Variants in PCDHGB1 observed in about 807,000 individuals in gnomAD.
The protein encoded by PCDHGB1 is protocadherin gamma subfamily B, 1, also known as protocadherin gamma-B1.
PCDHGB1 carries 34 observed loss-of-function variants against 56.6 expected under a neutral mutation model. That is an observed-to-expected ratio of 0.60 (90% CI 0.46 to 0.80). The LOEUF (loss-of-function observed/expected upper bound fraction) is 0.80. PCDHGB1 is among the 30% of genes least tolerant of loss of function. PCDHGB1 has a pLI of 0.00. For synonymous variants in PCDHGB1, 561 were observed against 505.9 expected (o/e 1.11, Z -1.46); for missense variants, 1,278 against 1,204.6 (o/e 1.06, Z -0.90).
intron 1 of PCDHGB1, chr5:141,433,149 C>A (rs758972664): frequency 1.2e-6 from 2 of 1,613,856 alleles, no homozygotes; most frequent in Non-Finnish European, 1.7e-6. Context: ...TCAGGTGATT[C>A]GGTATTTTCT....
At chr5:141,370,645 T>TA in intron 1 of PCDHGB1, 1 of 1,613,922 alleles carries the variant, frequency 6.2e-7, no homozygotes, top group Non-Finnish European at 8.5e-7. Flanking sequence ...AATGGGAACT[T>TA]ACTTGTGAGC....
chr5:141,404,745 C>T, intron 1 of PCDHGB1: 1 of 1,613,966 alleles, frequency 6.2e-7, no homozygotes, highest in Non-Finnish European at 8.5e-7. Flanking sequence ...GACAGAGACT[C>T]AGGCCAGAAT....
chr5:141,426,094 G>C (rs2096914562), intron 1 of PCDHGB1, among the ~76,000 whole-genome samples: 1 of 152,350 alleles, frequency 6.6e-6, no homozygotes, highest in African/African-American at 2.4e-5. Flanking sequence ...ACGATATTCT[G>C]TTCAGTCACA....
intron 1 of PCDHGB1, chr5:141,399,841 G>C: frequency 6.2e-7 from 1 of 1,613,086 alleles, no homozygotes; most frequent in Non-Finnish European, 8.5e-7. Context: ...TGCGCTCTTC[G>C]ATATGGTGCC....
intron 1 of PCDHGB1, chr5:141,404,343 A>G (rs2094516679): frequency 3.1e-6 from 5 of 1,613,902 alleles, no homozygotes; most frequent in Non-Finnish European, 4.2e-6. Flanking sequence ...CTCCCGGAAA[A>G]CAACGCCAGA....
chr5:141,423,489 T>C (rs764165685), intron 1 of PCDHGB1: 1 of 1,614,016 alleles, frequency 6.2e-7, no homozygotes, highest in South Asian at 1.1e-5. Context: ...TGCAAACCTA[T>C]TCCCACGAGG....
At chr5:141,473,809 A>C (rs1230574978) in intron 1 of PCDHGB1, among the ~76,000 whole-genome samples, 2 of 152,242 alleles carry the variant, frequency 1.3e-5, no homozygotes, top group East Asian at 3.8e-4. Flanking sequence ...ACTGAGGAGC[A>C]GCTGGACAAT....
At chr5:141,407,738 A>G (rs928743977) in intron 1 of PCDHGB1, among the ~76,000 whole-genome samples, 3 of 152,046 alleles carry the variant, frequency 2.0e-5, no homozygotes, top group Admixed American at 2.0e-4. Context: ...CACTATATAT[A>G]CTCCCTACTG....
chr5:141,383,610 C>T, intron 1 of PCDHGB1: 1 of 1,613,818 alleles, frequency 6.2e-7, no homozygotes, highest in South Asian at 1.1e-5. Flanking sequence ...ATGTGAATGA[C>T]CACACGCCTG....
chr5:141,400,776 G>T (rs1461818790), intron 1 of PCDHGB1: 3 of 557,594 alleles, frequency 5.4e-6, no homozygotes, highest in Non-Finnish European at 9.4e-6. Context: ...CATTTGGTGC[G>T]TTTTTTTGTC....
intron 1 of PCDHGB1, chr5:141,373,950 A>G (rs2150030574): frequency 1.2e-6 from 1 of 822,986 alleles, no homozygotes; most frequent in Non-Finnish European, 1.8e-6. Context: ...CTGTGCAGAA[A>G]TTCTGACCTG....
At chr5:141,415,508 A>G in intron 1 of PCDHGB1, 2 of 1,614,168 alleles carry the variant, frequency 1.2e-6, no homozygotes, top group Non-Finnish European at 1.7e-6. Flanking sequence ...CCCCAGCCCA[A>G]TTATGCGGAC....
chr5:141,502,179 A>G (rs1403845758), intron 2 of PCDHGB1, among the ~76,000 whole-genome samples: 2 of 152,218 alleles, frequency 1.3e-5, no homozygotes, highest in Non-Finnish European at 2.9e-5. Context: ...GGAATTTAAC[A>G]TTAATACAAT....
In PCDHGB1 at chr5:141,491,491, G is replaced by C. The variant is rs2099717103; in HGVS notation, c.2410-3316G>C. The C allele has an allele frequency of 1.2e-6, 2 of 1,614,042 alleles. No homozygotes were observed. The highest frequency in any genetic ancestry group is 1.7e-5 in the Admixed American group (1 of 60,016). The stretch of plus-strand genomic sequence containing the variant: ...TAAGCAGTCCAGCCCCAACCTGCAG[G>C]TGAGCTCGGACGGCACGCTCAAGTA... On this transcript the variant is annotated intron_variant, in intron 1 of 3. Transcript: ENST00000523390. The surrounding 1 kb of genome is among the most constrained non-coding windows in gnomAD (Gnocchi z 6.9).
At chr5:141,375,902 C>T (rs890373642) in intron 1 of PCDHGB1, 5 of 1,613,666 alleles carry the variant, frequency 3.1e-6, no homozygotes, top group African/African-American at 1.3e-5. Context: ...GCTGTCCTAC[C>T]GCCTGCTCAA....
chr5:141,431,876 GA>G lies in PCDHGB1; in HGVS notation c.2410-62930del. 6.2e-7 allele frequency: 1 copy of G among 1,614,188 alleles called. No individual in the cohort carries two copies. Among genetic ancestry groups the G allele is most frequent in the Non-Finnish European group, 8.5e-7 (1 of 1,180,008 alleles). On this transcript the variant is annotated intron_variant, in intron 1 of 3. Transcript: ENST00000523390. The surrounding 1 kb of genome is among the most constrained non-coding windows in gnomAD (Gnocchi z 4.8). ...ATTAATTGCCCTTTTAAATGTAAATGACCAAGATTCTGAGGAAAACGGACAG... is the reference window on the plus strand; with the variant it reads ...ATTAATTGCCCTTTTAAATGTAAATGCCAAGATTCTGAGGAAAACGGACAG...
intron 1 of PCDHGB1, among the ~76,000 whole-genome samples, chr5:141,469,134 G>T (rs2099192163): frequency 6.6e-6 from 1 of 151,944 alleles, no homozygotes; most frequent in Non-Finnish European, 1.5e-5. Context: ...AAATTAGCCA[G>T]AAATGGTGGC....
At chr5:141,399,856 G>A (rs1391939612) in intron 1 of PCDHGB1, 1 of 1,612,894 alleles carries the variant, frequency 6.2e-7, no homozygotes, top group Non-Finnish European at 8.5e-7. Flanking sequence ...GGTGCCGCGC[G>A]CTGCAGAGCC....
chr5:141,387,207 T>A (rs986621045), intron 1 of PCDHGB1, among the ~76,000 whole-genome samples: 1 of 152,136 alleles, frequency 6.6e-6, no homozygotes, highest in Non-Finnish European at 1.5e-5. Flanking sequence ...TTACTGATAC[T>A]CTCCGGAAAA....
Sources: allele counts gnomAD v4.1 joint callset (sites outside exome capture counted in the v4.1 genomes callset), GRCh38; gene constraint gnomAD v4.1.1; non-coding constraint Gnocchi (gnomAD v3.1); transcripts MANE v1.5; gene names NCBI Gene and HGNC (gene_info 2026-07-23, HGNC 2026-07-21).